Variants in PTPRS observed in about 807,000 individuals in gnomAD.
PTPRS encodes protein tyrosine phosphatase receptor type S.
In PTPRS, 63 loss-of-function variants were observed where a neutral mutation model predicts 215.3. The ratio of observed to expected loss-of-function variants is 0.29; its 90% CI spans 0.24 to 0.36. The LOEUF is 0.36. Among genes scored for constraint, PTPRS ranks in the 10% least tolerant of loss-of-function variants. PTPRS has a pLI of 1.00. For missense variants in PTPRS, 2,258 were observed against 2,825.8 expected (o/e 0.80, Z 4.56); for synonymous variants, 1,404 against 1,191.4 (o/e 1.18, Z -3.68).
intron 22 of PTPRS, 95 bp downstream of exon 22, chr19:5,219,844 C>T: frequency 7.3e-7 from 1 of 1,379,276 alleles, no homozygotes; most frequent in Non-Finnish European, 1.0e-6. Context: ...CAGGGAGCTG[C>T]CTGTGACTGA....
chr19:5,280,542 A>G (rs1173920584), intron 2 of PTPRS, among the ~76,000 whole-genome samples: 1 of 151,458 alleles, frequency 6.6e-6, no homozygotes, highest in East Asian at 2.0e-4. Flanking sequence ...AACATGATGA[A>G]ACCCCGTCTC....
intron 4 of PTPRS, among the ~76,000 whole-genome samples, chr19:5,271,296 T>A (rs2046886085): frequency 6.6e-6 from 1 of 152,312 alleles, no homozygotes; most frequent in South Asian, 2.1e-4. Context: ...GGAAGTAGAA[T>A]TGACCAAATA....
intron 1 of PTPRS, among the ~76,000 whole-genome samples, chr19:5,292,571 C>T (rs984307562): frequency 6.6e-6 from 1 of 152,216 alleles, no homozygotes; most frequent in Admixed American, 6.5e-5. Context: ...CTCCCTGAGG[C>T]CAAGCCCCCC....
At chr19:5,320,834 G>C (rs1198679176) in intron 1 of PTPRS, among the ~76,000 whole-genome samples, 3 of 152,174 alleles carry the variant, frequency 2.0e-5, no homozygotes, top group Non-Finnish European at 1.5e-5. Flanking sequence ...GGATGGTTGA[G>C]GTTATCATTA....
At chr19:5,236,168 G>A (rs1375640465) in intron 13 of PTPRS, among the ~76,000 whole-genome samples, 2 of 152,150 alleles carry the variant, frequency 1.3e-5, no homozygotes, top group African/African-American at 2.4e-5. Flanking sequence ...GTTGTGTACC[G>A]ACTGTGGCCA....
chr19:5,240,388 G>A (rs967126828), intron 11 of PTPRS, 56 bp from the exon 12 acceptor site: 4 of 1,484,176 alleles, frequency 2.7e-6, no homozygotes, highest in Admixed American at 2.4e-5. Flanking sequence ...CCACAAAGGG[G>A]GCCCCACCTG....
At position 5,206,897 on chromosome 19, in the gene PTPRS, G is replaced by A. The variant is rs148562827; in HGVS notation, c.5779-55C>T. The A allele has an allele frequency of 9.8e-6, 15 of 1,529,830 alleles. No individual in the cohort carries two copies. In the African/African-American group the frequency reaches 2.1e-4, roughly 21 times the overall value. The allele number at this position is 1,529,830 out of a possible 1,614,324, so 94.8% of individuals were successfully genotyped here. A position where few individuals can be genotyped will look rare whatever the true frequency, so the allele number is the denominator to read the frequency against. On this transcript the variant is annotated intron_variant, in intron 37 of 37. Transcript: ENST00000262963. ...CTCCGCTGCTCTAACGCCTCCCAGG[G>A]CTCCCTATCGCCCTCAGGAGCAGGC...
chr19:5,286,623 G>A (rs755996939), intron 1 of PTPRS, among the ~76,000 whole-genome samples: 8 of 152,148 alleles, frequency 5.3e-5, no homozygotes, highest in Non-Finnish European at 1.0e-4. Flanking sequence ...CGAACCAGAA[G>A]ATAGCCCTCA....
intron 1 of PTPRS, among the ~76,000 whole-genome samples, chr19:5,299,959 G>A (rs1490140633): frequency 1.3e-5 from 2 of 151,894 alleles, no homozygotes; most frequent in Non-Finnish European, 2.9e-5. Flanking sequence ...AAATTAAATA[G>A]GCCGGGTGCC....
chr19:5,215,747 C>T, intron 26 of PTPRS, 152 bp from the exon 27 acceptor site: 1 of 634,480 alleles, frequency 1.6e-6, no homozygotes, highest in Non-Finnish European at 2.7e-6. Flanking sequence ...GGGGAAGACT[C>T]AGGGTGGCTC....
intron 1 of PTPRS, among the ~76,000 whole-genome samples, chr19:5,337,028 C>T (rs1000036264): frequency 5.9e-5 from 9 of 152,144 alleles, no homozygotes; most frequent in African/African-American, 2.4e-5. Flanking sequence ...TGTCTCCTTC[C>T]AGAAAGTACG....
At chr19:5,284,885 T>A (rs2048208950) in intron 2 of PTPRS, among the ~76,000 whole-genome samples, 1 of 151,864 alleles carries the variant, frequency 6.6e-6, no homozygotes, top group African/African-American at 2.4e-5. Flanking sequence ...GAAGTAGAGG[T>A]TGCAGTGAGC....
intron 1 of PTPRS, among the ~76,000 whole-genome samples, chr19:5,302,055 T>C (rs115604939): frequency 0.015 from 2,291 of 151,842 alleles, 64 homozygotes; most frequent in African/African-American, 0.053. Context: ...GTGCTAGGAT[T>C]ACAGGTGTGA....
intron 11 of PTPRS, among the ~76,000 whole-genome samples, chr19:5,243,604 C>T (rs1192691677): frequency 6.6e-6 from 1 of 151,172 alleles, no homozygotes. Context: ...CTCAGCCTCC[C>T]GAGTAGCTAG....
intron 1 of PTPRS, among the ~76,000 whole-genome samples, chr19:5,310,711 G>A (rs912174365): frequency 6.7e-6 from 1 of 149,534 alleles, no homozygotes; most frequent in Non-Finnish European, 1.5e-5. Context: ...GGTGTTTCTT[G>A]TTTTTGTTTT....
intron 28 of PTPRS, 136 bp from the exon 29 acceptor site, chr19:5,214,872 A>T: frequency 3.2e-6 from 3 of 947,618 alleles, no homozygotes; most frequent in Non-Finnish European, 4.6e-6. Context: ...CGTGTACTTC[A>T]CAGTTTCTCC....
At chr19:5,240,166 A>G in intron 12 of PTPRS, 33 bp downstream of exon 12, 1 of 1,491,068 alleles carries the variant, frequency 6.7e-7, no homozygotes. Context: ...GGAGGAGCCC[A>G]GGGCAGGCCA....
chr19:5,263,288 T>C (rs1415410428), intron 5 of PTPRS, among the ~76,000 whole-genome samples: 7 of 152,020 alleles, frequency 4.6e-5, no homozygotes, highest in African/African-American at 1.4e-4. Context: ...GGCTGGGAGA[T>C]AGGAGGCGAT....
At chr19:5,251,626 C>T (rs1378432832) in intron 9 of PTPRS, among the ~76,000 whole-genome samples, 1 of 151,964 alleles carries the variant, frequency 6.6e-6, no homozygotes, top group African/African-American at 2.4e-5. Context: ...GAGGAAACAG[C>T]GAATGCAGAG....
Sources: allele counts gnomAD v4.1 joint callset (sites outside exome capture counted in the v4.1 genomes callset), GRCh38; gene constraint gnomAD v4.1.1; transcripts MANE v1.5; gene names NCBI Gene and HGNC (gene_info 2026-07-23, HGNC 2026-07-21).